FSIP1: variants seen among roughly 807,000 people sequenced by gnomAD.
FSIP1 encodes the protein fibrous sheath-interacting protein 1.
Under a neutral mutation model 60.9 loss-of-function variants are expected in FSIP1, and 65 were observed. The observed-to-expected ratio is 1.07, with a 90% CI of 0.87 to 1.31. The LOEUF (loss-of-function observed/expected upper bound fraction) is 1.31. Ranked by LOEUF, FSIP1 falls within the 40% of genes most tolerant of loss-of-function variation. The pLI is 0.00. For missense variants in FSIP1, 675 were observed against 665.5 expected (o/e 1.01, Z -0.16); for synonymous variants, 209 against 221.2 (o/e 0.94, Z 0.49).
chr15:39,599,553 C>T (rs1222185534), downstream of FSIP1: 1 of 142,010 alleles, frequency 7.0e-6, no homozygotes, highest in African/African-American at 2.6e-5. Flanking sequence ...TTCTCTCTCT[C>T]TCTCTCTCTC....
intron 10 of FSIP1, among the ~76,000 whole-genome samples, chr15:39,681,523 G>T (rs186016178): frequency 6.6e-6 from 1 of 152,024 alleles, no homozygotes; most frequent in Non-Finnish European, 1.5e-5. Flanking sequence ...AAGTGTCAAA[G>T]TGCTAGAGAA....
chr15:39,614,576 C>T (rs1256421331), intron 11 of FSIP1, among the ~76,000 whole-genome samples: 2 of 144,954 alleles, frequency 1.4e-5, no homozygotes, highest in Admixed American at 7.2e-5. Context: ...ACCCAGGAGG[C>T]GGAGGTTGCA....
chr15:39,725,141 G>C (rs1896138445), intron 9 of FSIP1, among the ~76,000 whole-genome samples: 1 of 152,184 alleles, frequency 6.6e-6, no homozygotes, highest in Non-Finnish European at 1.5e-5. Context: ...TAAGGCAGGA[G>C]AATCACTTGA....
At chr15:39,716,812 C>CTTTTTTTTTT (rs72106293) in intron 9 of FSIP1, among the ~76,000 whole-genome samples, 4 of 110,208 alleles carry the variant, frequency 3.6e-5, no homozygotes, top group Admixed American at 1.1e-4. Flanking sequence ...CAGGCCATGT[C>CTTTTTTTTTT]TTTTTTTTTT....
intron 10 of FSIP1, among the ~76,000 whole-genome samples, chr15:39,653,598 T>C (rs4493017): frequency 0.56 from 84,759 of 152,072 alleles, 25,742 homozygotes; most frequent in Non-Finnish European, 0.7. Context: ...GCTCCCCTAA[T>C]TCCCACCTGT....
At chr15:39,682,356 GA>G (rs534930019) in intron 10 of FSIP1, among the ~76,000 whole-genome samples, 8 of 147,352 alleles carry the variant, frequency 5.4e-5, no homozygotes, top group South Asian at 2.1e-4. Flanking sequence ...TTTTACTTTG[GA>G]AAAAAAAAAG....
At chr15:39,692,619 TTAAAG>T (rs1180840663) in intron 10 of FSIP1, among the ~76,000 whole-genome samples, 1 of 152,202 alleles carries the variant, frequency 6.6e-6, no homozygotes, top group African/African-American at 2.4e-5. Flanking sequence ...TTACAACTGA[TTAAAG>T]TAAGGATACT....
chr15:39,634,154 C>T (rs1262472298), intron 10 of FSIP1, among the ~76,000 whole-genome samples: 1 of 152,186 alleles, frequency 6.6e-6, no homozygotes, highest in Non-Finnish European at 1.5e-5. Flanking sequence ...TCTTTTGCGT[C>T]ACTGCTTTCC....
intron 9 of FSIP1, among the ~76,000 whole-genome samples, chr15:39,717,341 T>A (rs1895781713): frequency 6.6e-6 from 1 of 152,182 alleles, no homozygotes; most frequent in African/African-American, 2.4e-5. Context: ...AGCTCCATCT[T>A]CTGGTTAGGT....
chr15:39,711,652 T>C (rs971498979), intron 10 of FSIP1, among the ~76,000 whole-genome samples: 2 of 149,634 alleles, frequency 1.3e-5, no homozygotes, highest in African/African-American at 4.9e-5. Flanking sequence ...AGAGCCTCCT[T>C]ACACTTCCCT....
intron 10 of FSIP1, among the ~76,000 whole-genome samples, chr15:39,628,447 C>T (rs1263788459): frequency 6.6e-6 from 1 of 152,184 alleles, no homozygotes; most frequent in Non-Finnish European, 1.5e-5. Flanking sequence ...TAAGACCAGG[C>T]CAGGGGGCTA....
intron 10 of FSIP1, among the ~76,000 whole-genome samples, chr15:39,635,742 G>A (rs75160030): frequency 0.035 from 5,373 of 152,128 alleles, 185 homozygotes; most frequent in East Asian, 0.11. Context: ...TGGTCATCCT[G>A]ATTAAATACC....
At chr15:39,767,902 T>A (rs1595401707) in intron 3 of FSIP1, among the ~76,000 whole-genome samples, 2 of 152,214 alleles carry the variant, frequency 1.3e-5, no homozygotes, top group African/African-American at 4.8e-5. Context: ...TCTTCTGGTA[T>A]ACCAGGGCAA....
At chr15:39,656,954 C>T (rs1471313760) in intron 10 of FSIP1, among the ~76,000 whole-genome samples, 1 of 152,138 alleles carries the variant, frequency 6.6e-6, no homozygotes, top group Non-Finnish European at 1.5e-5. Context: ...CAAACTGAGC[C>T]CAGGCCTTGT....
chr15:39,728,298 A>G (rs1192719177), intron 8 of FSIP1, among the ~76,000 whole-genome samples: 1 of 152,256 alleles, frequency 6.6e-6, no homozygotes, highest in Non-Finnish European at 1.5e-5. Flanking sequence ...TAAAAAATTC[A>G]TATGAAACCA....
At chr15:39,659,984 T>C (rs575302163) in intron 10 of FSIP1, among the ~76,000 whole-genome samples, 2 of 152,330 alleles carry the variant, frequency 1.3e-5, no homozygotes, top group Non-Finnish European at 2.9e-5. Context: ...ACTTCTTTTT[T>C]ACTTCTATCC....
intron 10 of FSIP1, among the ~76,000 whole-genome samples, chr15:39,652,916 C>T (rs1164596384): frequency 6.6e-6 from 1 of 152,048 alleles, no homozygotes; most frequent in Non-Finnish European, 1.5e-5. Flanking sequence ...TGGCTCATGC[C>T]TGTAATCCCA....
At position 39,600,730 on chromosome 15, in the gene FSIP1, G is replaced by A; in HGVS notation, c.*150C>T. On this transcript the variant is annotated 3_prime_UTR_variant, in exon 12 of 12. Transcript: ENST00000350221. Reference sequence around the variant, plus strand: ...ACACCCCAAGTCTCAAAAATATCAAGGAAATATAATCCACAAAGAGCGACT... The same window carrying A: ...ACACCCCAAGTCTCAAAAATATCAAAGAAATATAATCCACAAAGAGCGACT... The A allele has an allele frequency of 1.8e-6, 1 of 570,718 alleles. No individual in the cohort carries two copies. The highest frequency in any genetic ancestry group is 3.0e-6 in the Non-Finnish European group (1 of 331,786). 35.4% of individuals were successfully genotyped at this position (570,718 alleles called of 1,614,324 possible). A position where few individuals can be genotyped will look rare whatever the true frequency, so the allele number is the denominator to read the frequency against.
chr15:39,667,032 G>A (rs1893522812), intron 10 of FSIP1, among the ~76,000 whole-genome samples: 2 of 152,136 alleles, frequency 1.3e-5, no homozygotes, highest in Non-Finnish European at 2.9e-5. Flanking sequence ...ACTATCACAA[G>A]ACAGTGGGCG....
Sources: allele counts gnomAD v4.1 joint callset (sites outside exome capture counted in the v4.1 genomes callset), GRCh38; gene constraint gnomAD v4.1.1; transcripts MANE v1.5; gene names NCBI Gene and HGNC (gene_info 2026-07-23, HGNC 2026-07-21).